The following LMO2 variants were observed in gnomAD, a reference collection of about 807,000 sequenced individuals.
LMO2 encodes LIM domain only 2.
In LMO2, 20 loss-of-function variants were observed where a neutral mutation model predicts 23.2. The observed-to-expected ratio is 0.86, with a 90% CI of 0.61 to 1.25. The LOEUF (loss-of-function observed/expected upper bound fraction) is 1.25, where lower values mean the gene tolerates loss of function less well. Among genes scored for constraint, LMO2 ranks in the 50% most tolerant of loss-of-function variants. The pLI, the probability that LMO2 is intolerant of heterozygous loss-of-function variation, is 0.00. For synonymous variants in LMO2, 123 were observed against 130.2 expected, an observed-to-expected ratio of 0.94 and a Z score of 0.38; for missense variants, 270 against 315.3, an observed-to-expected ratio of 0.86 and a Z score of 1.09.
chr11:33,859,579 G>T lies in LMO2; in HGVS notation c.465-4C>A. The T allele has an allele frequency of 6.2e-7, 1 of 1,613,514 alleles. No individual in the cohort carries two copies. On this transcript the variant is annotated splice_polypyrimidine_tract_variant and splice_region_variant and intron_variant, in intron 5 of 5. Transcript: ENST00000257818. ...GAGACCGTCTTGCCCAAAAAGCCTG[G>T]GGCAAAAGAAAGAAAAGCTAAGAAG...
chr11:33,872,815 C>G (rs1476007384), intron 2 of LMO2, among the ~76,000 whole-genome samples: 4 of 152,128 alleles, frequency 2.6e-5, no homozygotes, highest in African/African-American at 9.7e-5. Flanking sequence ...GGCTGGAGTG[C>G]AATGGTGCGA....
intron 2 of LMO2, chr11:33,881,358 CT>C: frequency 2.2e-6 from 1 of 456,732 alleles, no homozygotes; most frequent in Non-Finnish European, 4.4e-6. Flanking sequence ...TATCTGGCAA[CT>C]TTTGCAAAAT....
intron 1 of LMO2, 61 bp downstream of exon 1, chr11:33,891,734 A>C (rs1857559914): frequency 6.6e-6 from 1 of 152,236 alleles, no homozygotes; most frequent in Admixed American, 6.5e-5. Context: ...TGGCTCCTTG[A>C]AGATGAAAAA....
chr11:33,883,357 G>A (rs769975149), intron 1 of LMO2, among the ~76,000 whole-genome samples: 21 of 152,192 alleles, frequency 1.4e-4, no homozygotes, highest in Non-Finnish European at 2.8e-4. Flanking sequence ...GGAAAGTGTT[G>A]GCACATAGGC....
chr11:33,881,186 T>G (rs973100000), intron 2 of LMO2: 1 of 456,900 alleles, frequency 2.2e-6, no homozygotes, highest in African/African-American at 2.0e-5. Context: ...TCCAAAGACT[T>G]CGAGACTGCC....
Position 33,869,840 on chromosome 11 carries a change from C to T in LMO2, c.-124G>A. ...CCCCTCGCACCTTCGGCCCGGGTCGCGGCGCGCTGCTCGCCGCCGAGGGCA... is the reference window on the plus strand; with the variant it reads ...CCCCTCGCACCTTCGGCCCGGGTCGTGGCGCGCTGCTCGCCGCCGAGGGCA... On this transcript the variant is annotated 5_prime_UTR_variant, in exon 3 of 6. Coordinates refer to ENST00000257818, the MANE Select transcript of LMO2 (RefSeq NM_005574.4). The T allele has an allele frequency of 9.4e-7, 1 of 1,065,554 alleles. No homozygotes were observed. Among genetic ancestry groups the T allele is most frequent in the Non-Finnish European group, 1.1e-6 (1 of 882,872 alleles). The allele number at this position is 1,065,554 out of a possible 1,614,324, so 66.0% of individuals were successfully genotyped here. A position where few individuals can be genotyped will look rare whatever the true frequency, so the allele number is the denominator to read the frequency against.
chr11:33,859,653 G>A, intron 5 of LMO2, 78 bp from the exon 6 acceptor site: 1 of 1,351,404 alleles, frequency 7.4e-7, no homozygotes, highest in Non-Finnish European at 1.0e-6. Context: ...ATGAGCCCTA[G>A]AAAGGAGGCC....
In LMO2 at chr11:33,864,565, C is replaced by T. The variant is rs1266896988; in HGVS notation, c.464+37G>A. 3.8e-6 allele frequency: 6 copies of T among 1,570,564 alleles called. No homozygotes were observed. Among genetic ancestry groups the T allele is most frequent in the Non-Finnish European group, 5.2e-6 (6 of 1,149,162 alleles). ...CAGATGTCCATGGACCACCCAGCCT[C>T]CCTTCCGAGGGCCCAGTGGAGTGCC... On this transcript the variant is annotated intron_variant, in intron 5 of 5. Coordinates refer to ENST00000257818, the MANE Select transcript of LMO2 (RefSeq NM_005574.4). The surrounding 1 kb of genome is among the most constrained non-coding windows in gnomAD (Gnocchi z 4.8).
intron 5 of LMO2, among the ~76,000 whole-genome samples, chr11:33,860,489 C>T (rs375226727): frequency 7.9e-5 from 12 of 152,092 alleles, no homozygotes; most frequent in African/African-American, 1.2e-4. Flanking sequence ...TCAGGCTGGG[C>T]GCAGTGGCTC....
Position 33,869,820 on chromosome 11 carries a change from C to T in LMO2, c.-104G>A. The T allele has an allele frequency of 9.2e-7, 1 of 1,087,322 alleles. No homozygotes were observed. Among genetic ancestry groups the T allele is most frequent in the East Asian group, 5.7e-5 (1 of 17,640 alleles). The allele number at this position is 1,087,322 out of a possible 1,614,324, so 67.4% of individuals were successfully genotyped here. On this transcript the variant is annotated 5_prime_UTR_variant, in exon 3 of 6. Transcript: ENST00000257818. ...GCCCGCCCGGCCGCCCGGAGCCCCT[C>T]GCACCTTCGGCCCGGGTCGCGGCGC...
intron 1 of LMO2, among the ~76,000 whole-genome samples, chr11:33,890,463 T>C (rs1305826006): frequency 1.3e-5 from 2 of 152,144 alleles, no homozygotes; most frequent in African/African-American, 4.8e-5. Context: ...GCAATTCTCC[T>C]CTCTCAGCCT....
At position 33,859,433 on chromosome 11, in the gene LMO2, T is replaced by C. The variant is rs368381235; in HGVS notation, c.607A>G (p.Arg203Gly). ...ACQKHFCVGDRYLLINSDIVC... is the reference protein window; with the variant it reads ...ACQKHFCVGDGYLLINSDIVC... Reference sequence around the variant, plus strand: ...ATGTCAGAGTTGATGAGGAGGTATCTGTCACCTACACAGAAATGCTTCTGA... The same window carrying C: ...ATGTCAGAGTTGATGAGGAGGTATCCGTCACCTACACAGAAATGCTTCTGA... The change falls in exon 6 of 6, where the codon AGA becomes GGA. Residue 203 changes from arginine (R) to glycine (G), a missense_variant. Coordinates refer to ENST00000257818, the MANE Select transcript of LMO2 (RefSeq NM_005574.4). 6 of 1,614,050 alleles carry C rather than the reference T, an allele frequency of 3.7e-6. No homozygotes were observed. The highest frequency in any genetic ancestry group is 4.2e-6 in the Non-Finnish European group (5 of 1,180,016).
intron 2 of LMO2, among the ~76,000 whole-genome samples, chr11:33,877,685 GA>G (rs936864173): frequency 1.1e-4 from 15 of 138,586 alleles, no homozygotes; most frequent in African/African-American, 4.0e-4. Context: ...GGCTGGTGTT[GA>G]ACTCCTGACC....
chr11:33,882,315 T>C (rs929767874), intron 1 of LMO2, among the ~76,000 whole-genome samples: 1 of 152,242 alleles, frequency 6.6e-6, no homozygotes, highest in Non-Finnish European at 1.5e-5. Context: ...TGCAACTGTT[T>C]GTGTCTCACG....
At chr11:33,872,953 G>A (rs975082914) in intron 2 of LMO2, among the ~76,000 whole-genome samples, 6 of 151,986 alleles carry the variant, frequency 3.9e-5, no homozygotes, top group African/African-American at 1.5e-4. Flanking sequence ...AGTAGAGACG[G>A]GGTTTCACCA....
intron 1 of LMO2, among the ~76,000 whole-genome samples, chr11:33,884,620 C>T (rs924062038): frequency 8.5e-5 from 13 of 152,208 alleles, no homozygotes; most frequent in African/African-American, 2.2e-4. Flanking sequence ...TACTTGTGGG[C>T]AGGAGGGCTC....
Position 33,872,324 on chromosome 11 carries a change from A to G in LMO2, c.-271-2337T>C, listed in dbSNP as rs113695001. Among the ~76,000 whole-genome samples the G allele has an allele frequency of 8.7e-3, 1,324 of 152,304 alleles. 22 individuals are homozygous for G. The East Asian group carries it at 0.088, about 10-fold the overall frequency. On this transcript the variant is annotated intron_variant, in intron 2 of 5. Transcript: ENST00000257818. ...TAAACAAACAAACAAATAAACTCCCAGTATCCTCATCTGTAAAATGGAGAC... is the reference window on the plus strand; with the variant it reads ...TAAACAAACAAACAAATAAACTCCCGGTATCCTCATCTGTAAAATGGAGAC...
rs1486621475 is a variant in LMO2 at position 33,859,150 on chromosome 11, G to A, written c.*206C>T. ...TGTGGCCATAAGTTCTCCCTCAAGGGCTGGTCCTTCTGTCACCTTGAAGTG... is the reference window on the plus strand; with the variant it reads ...TGTGGCCATAAGTTCTCCCTCAAGGACTGGTCCTTCTGTCACCTTGAAGTG... On this transcript the variant is annotated 3_prime_UTR_variant, in exon 6 of 6. Transcript: ENST00000257818. The A allele has an allele frequency of 3.7e-6, 2 of 547,780 alleles. No homozygotes were observed. The highest frequency in any genetic ancestry group is 4.2e-5 in the South Asian group (2 of 47,260). 33.9% of individuals were successfully genotyped at this position (547,780 alleles called of 1,614,324 possible). A position where few individuals can be genotyped will look rare whatever the true frequency, so the allele number is the denominator to read the frequency against.
At chr11:33,891,346 AACACAC>A (rs57617009) in intron 1 of LMO2, among the ~76,000 whole-genome samples, 2,293 of 125,040 alleles carry the variant, frequency 0.018, 20 homozygotes, top group Non-Finnish European at 0.024. Flanking sequence ...TTGTTAGGCA[AACACAC>A]ACACACACAC....
Sources: gnomAD v4.1 joint callset for allele counts (sites outside exome capture counted in the v4.1 genomes callset) on GRCh38, gnomAD v4.1.1 for gene constraint, Gnocchi (gnomAD v3.1) non-coding constraint, MANE v1.5 for transcripts, NCBI Gene and HGNC (gene_info 2026-07-23, HGNC 2026-07-21) for gene names.